The following CSMD1 variants were observed in gnomAD, a reference collection of about 807,000 sequenced individuals.
CSMD1 encodes the protein CUB and sushi domain-containing protein 1.
In CSMD1, 213 loss-of-function variants were observed where a neutral mutation model predicts 417.5. The ratio of observed to expected loss-of-function variants is 0.51; its 90% CI spans 0.46 to 0.57. The LOEUF (loss-of-function observed/expected upper bound fraction) is 0.57. CSMD1 is among the 20% of genes least tolerant of loss of function. The pLI is 0.00. For missense variants in CSMD1, 6,923 were observed against 4,529.7 expected (o/e 1.53, Z -15.17); for synonymous variants, 2,862 against 1,736.8 (o/e 1.65, Z -16.11).
intron 4 of CSMD1, among the ~76,000 whole-genome samples, chr8:4,008,196 C>G (rs544191902): frequency 5.9e-5 from 9 of 152,032 alleles, no homozygotes; most frequent in Non-Finnish European, 1.2e-4. Flanking sequence ...TACAGGGCAG[C>G]TGGAAAAATT....
chr8:3,992,866 C>T (rs374323827), intron 5 of CSMD1, among the ~76,000 whole-genome samples: 15 of 152,360 alleles, frequency 9.8e-5, no homozygotes, highest in African/African-American at 2.9e-4. Flanking sequence ...GTGGTCTCCT[C>T]CATATTCATA....
chr8:4,385,601 G>A (rs1803396816), intron 3 of CSMD1, among the ~76,000 whole-genome samples: 1 of 152,142 alleles, frequency 6.6e-6, no homozygotes, highest in African/African-American at 2.4e-5. Context: ...GTTATTAATT[G>A]CTGATTTAAT....
chr8:3,512,313 A>C (rs111577535), intron 10 of CSMD1, among the ~76,000 whole-genome samples: 2,112 of 152,262 alleles, frequency 0.014, 34 homozygotes, highest in Non-Finnish European at 0.019. Context: ...TTAGCAACTT[A>C]TTTGTTCTAT....
At position 3,577,433 on chromosome 8, in the gene CSMD1, G is replaced by A. The variant is rs186408479; in HGVS notation, c.1223-2367C>T. On this transcript the variant is annotated intron_variant, in intron 9 of 69. Transcript: ENST00000635120. ...TTTTTTAATTTAGAAATCTCTGTCC[G>A]TCTTTGCAACATATTTTAATAAAAA... 3.2e-4 allele frequency among the ~76,000 whole-genome samples: 48 copies of A among 151,944 alleles called. No individual in the cohort carries two copies. The East Asian group carries it at 5.0e-3, about 16-fold the overall frequency.
intron 1 of CSMD1, among the ~76,000 whole-genome samples, chr8:4,751,511 T>C (rs1392308032): frequency 6.6e-6 from 1 of 152,212 alleles, no homozygotes; most frequent in Non-Finnish European, 1.5e-5. Flanking sequence ...ATGAGCTAGA[T>C]AACTTTCTAA....
At chr8:3,093,273 G>A (rs1414856925) in intron 47 of CSMD1, among the ~76,000 whole-genome samples, 1 of 152,172 alleles carries the variant, frequency 6.6e-6, no homozygotes, top group Non-Finnish European at 1.5e-5. Flanking sequence ...GCCCTGAGTG[G>A]GGGCCACATC....
intron 1 of CSMD1, among the ~76,000 whole-genome samples, chr8:4,917,651 G>T (rs28661602): frequency 6.6e-6 from 1 of 151,026 alleles, no homozygotes; most frequent in African/African-American, 2.4e-5. Context: ...ATAAATAAAT[G>T]AAATAAAATA....
intron 7 of CSMD1, among the ~76,000 whole-genome samples, chr8:3,652,622 G>A (rs1374683195): frequency 2.0e-5 from 3 of 152,178 alleles, no homozygotes; most frequent in Admixed American, 6.5e-5. Context: ...GCGCAAGGGA[G>A]CTCCCATTTA....
At chr8:3,091,814 G>C (rs1035562719) in intron 47 of CSMD1, among the ~76,000 whole-genome samples, 152 bp from the exon 48 acceptor site, 2 of 152,128 alleles carry the variant, frequency 1.3e-5, no homozygotes, top group African/African-American at 4.8e-5. Flanking sequence ...AATGGCTATA[G>C]TGACAGATAT....
chr8:3,633,972 G>C (rs1225542453), intron 7 of CSMD1, among the ~76,000 whole-genome samples: 1 of 150,818 alleles, frequency 6.6e-6, no homozygotes, highest in African/African-American at 2.4e-5. Flanking sequence ...GAAACATGAA[G>C]ATGAATATGC....
intron 5 of CSMD1, among the ~76,000 whole-genome samples, chr8:3,885,621 C>T (rs143330381): frequency 1.3e-5 from 2 of 152,272 alleles, no homozygotes; most frequent in East Asian, 3.9e-4. Flanking sequence ...GCGTCTGCTC[C>T]TTTCATTTCT....
In CSMD1 at chr8:4,050,307, A is replaced by C. The variant is rs908243784; in HGVS notation, c.416-18208T>G. Among the ~76,000 whole-genome samples the C allele has an allele frequency of 1.6e-4, 25 of 152,334 alleles. No homozygotes were observed. In the East Asian group the frequency reaches 1.9e-3, roughly 12 times the overall value. ...GAGGAACTATGAGCAGCAGAACTTA[A>C]GGAATACGAAAGGAGGCTAGTTATA... On this transcript the variant is annotated intron_variant, in intron 3 of 69. Coordinates refer to ENST00000635120, the MANE Select transcript of CSMD1 (RefSeq NM_033225.6).
intron 1 of CSMD1, among the ~76,000 whole-genome samples, chr8:4,833,945 T>C (rs543267709): frequency 3.3e-5 from 5 of 152,220 alleles, no homozygotes; most frequent in African/African-American, 9.6e-5. Context: ...CAGCGGCCCC[T>C]GACTAGTCTT....
chr8:4,048,210 A>T (rs1417723353), intron 3 of CSMD1, among the ~76,000 whole-genome samples: 2 of 152,164 alleles, frequency 1.3e-5, no homozygotes, highest in East Asian at 1.9e-4. Context: ...CATATTGAAT[A>T]ACATACCGTT....
intron 3 of CSMD1, among the ~76,000 whole-genome samples, chr8:4,220,686 A>T (rs769108316): frequency 6.6e-6 from 1 of 152,188 alleles, no homozygotes; most frequent in Admixed American, 6.5e-5. Context: ...GAAAGGGAAG[A>T]TCAAGAACAT....
intron 3 of CSMD1, among the ~76,000 whole-genome samples, chr8:4,287,348 T>A (rs1372511134): frequency 6.6e-6 from 1 of 152,228 alleles, no homozygotes. Context: ...ATGATACTTT[T>A]TAAGAAAGCA....
chr8:4,984,390 G>A (rs146684934), intron 1 of CSMD1, among the ~76,000 whole-genome samples: 2 of 152,190 alleles, frequency 1.3e-5, no homozygotes, highest in Admixed American at 6.5e-5. Context: ...AGTAGTGTAC[G>A]CTTCCGATCC....
intron 3 of CSMD1, among the ~76,000 whole-genome samples, chr8:4,209,744 A>C (rs905037007): frequency 6.6e-6 from 1 of 152,192 alleles, no homozygotes; most frequent in African/African-American, 2.4e-5. Context: ...TCCTGCTCCT[A>C]GCACAGCAGG....
chr8:4,076,039 G>A (rs1051542115), intron 3 of CSMD1, among the ~76,000 whole-genome samples: 2 of 152,130 alleles, frequency 1.3e-5, no homozygotes, highest in African/African-American at 4.8e-5. Flanking sequence ...ATTATGGAAA[G>A]ATAAGTGATA....
Sources: gnomAD v4.1 joint callset for allele counts (sites outside exome capture counted in the v4.1 genomes callset) on GRCh38, gnomAD v4.1.1 for gene constraint, MANE v1.5 for transcripts, NCBI Gene and HGNC (gene_info 2026-07-23, HGNC 2026-07-21) for gene names.